Variants in CPQ observed in about 807,000 individuals in gnomAD.
CPQ encodes carboxypeptidase Q, also known as Ser-Met dipeptidase.
In CPQ, 37 loss-of-function variants were observed where a neutral mutation model predicts 45.7. The observed-to-expected ratio is 0.81, with a 90% CI of 0.62 to 1.07. The LOEUF (loss-of-function observed/expected upper bound fraction) is 1.07, where lower values mean the gene tolerates loss of function less well. CPQ is among the 50% of genes least tolerant of loss of function. The pLI is 0.00. For synonymous variants in CPQ, 186 were observed against 205.8 expected, an observed-to-expected ratio of 0.90 and a Z score of 0.82; for missense variants, 537 against 572.9, an observed-to-expected ratio of 0.94 and a Z score of 0.64.
chr8:96,987,982 T>TCTTTCCACA (rs1809021055), intron 5 of CPQ, among the ~76,000 whole-genome samples: 1 of 152,228 alleles, frequency 6.6e-6, no homozygotes. Context: ...AAGTGATATA[T>TCTTTCCACA]CTTTCCACAC....
intron 4 of CPQ, among the ~76,000 whole-genome samples, chr8:96,926,540 T>TCTTCC (rs1812877907): frequency 7.8e-6 from 1 of 127,544 alleles, no homozygotes; most frequent in Admixed American, 7.8e-5. Flanking sequence ...CTTTTTCTTC[T>TCTTCC]TCTTCCTCTT....
At chr8:97,016,624 T>G (rs1809584864) in intron 5 of CPQ, among the ~76,000 whole-genome samples, 1 of 152,126 alleles carries the variant, frequency 6.6e-6, no homozygotes, top group Non-Finnish European at 1.5e-5. Flanking sequence ...GAGTTATGCA[T>G]GCAGTTCTAG....
intron 2 of CPQ, among the ~76,000 whole-genome samples, chr8:96,831,857 A>T (rs1254676388): frequency 6.6e-6 from 1 of 152,186 alleles, no homozygotes. Context: ...TTCTACCCAC[A>T]TGTGGCTATT....
chr8:96,926,783 C>G (rs1812897748), intron 4 of CPQ, among the ~76,000 whole-genome samples: 2 of 151,840 alleles, frequency 1.3e-5, no homozygotes, highest in Non-Finnish European at 2.9e-5. Flanking sequence ...ACCCATCAAC[C>G]TGTCATCTAC....
intron 7 of CPQ, among the ~76,000 whole-genome samples, chr8:97,122,700 C>T (rs772284530): frequency 2.2e-4 from 34 of 151,444 alleles, no homozygotes; most frequent in Non-Finnish European, 4.6e-4. Flanking sequence ...GGCTGACCAA[C>T]AAGCTGAAAT....
chr8:97,115,981 G>C (rs1292942534), intron 7 of CPQ, among the ~76,000 whole-genome samples: 1 of 152,142 alleles, frequency 6.6e-6, no homozygotes, highest in African/African-American at 2.4e-5. Context: ...ACACTTAAAA[G>C]GAGGGAGTAA....
At chr8:97,107,408 T>C (rs2130588406) in intron 7 of CPQ, among the ~76,000 whole-genome samples, 1 of 152,334 alleles carries the variant, frequency 6.6e-6, no homozygotes, top group South Asian at 2.1e-4. Context: ...AGGGTGTGCT[T>C]GTGAGGGGCC....
chr8:97,108,020 G>A lies in CPQ; in HGVS notation c.1256-35000G>A, dbSNP rs189204615. 2.4e-4 allele frequency among the ~76,000 whole-genome samples: 36 copies of A among 152,324 alleles called. 1 individual carries two copies. In the East Asian group the frequency reaches 5.0e-3, roughly 21 times the overall value. On this transcript the variant is annotated intron_variant, in intron 7 of 7. Coordinates refer to ENST00000220763, the MANE Select transcript of CPQ (RefSeq NM_016134.4). ...CTGATGCAGGTGAGGAAGTGGATGT[G>A]GTGGTGGGACGATGTGGAAGTTCCC...
intron 1 of CPQ, among the ~76,000 whole-genome samples, chr8:96,717,027 ATATATATATATATATATATAT>A (rs1809685334): frequency 2.6e-4 from 1 of 3,842 alleles, no homozygotes; most frequent in African/African-American, 6.3e-4. Context: ...TGATATAAAT[ATATATATATATATATATATAT>A]ATATATATAT....
At chr8:96,754,400 G>C (rs1305696023) in intron 1 of CPQ, among the ~76,000 whole-genome samples, 1 of 151,956 alleles carries the variant, frequency 6.6e-6, no homozygotes, top group Non-Finnish European at 1.5e-5. Context: ...AATTTCCACA[G>C]AACCCTCTTT....
chr8:96,853,441 A>G, intron 3 of CPQ, among the ~76,000 whole-genome samples: 1 of 152,208 alleles, frequency 6.6e-6, no homozygotes, highest in South Asian at 2.1e-4. Flanking sequence ...GTTTGCAGTC[A>G]AATTCTTTCT....
chr8:96,854,909 G>T (rs892975959), intron 3 of CPQ, among the ~76,000 whole-genome samples: 3 of 152,184 alleles, frequency 2.0e-5, no homozygotes, highest in Non-Finnish European at 4.4e-5. Flanking sequence ...CACACAGTCT[G>T]ACTGATTTTG....
chr8:96,946,394 G>T (rs1813188776), intron 4 of CPQ, among the ~76,000 whole-genome samples: 4 of 152,122 alleles, frequency 2.6e-5, no homozygotes, highest in African/African-American at 9.7e-5. Context: ...CTAATTGAAA[G>T]AAAATTATTA....
intron 1 of CPQ, among the ~76,000 whole-genome samples, chr8:96,687,868 A>G (rs976577792): frequency 6.6e-6 from 1 of 152,092 alleles, no homozygotes; most frequent in East Asian, 1.9e-4. Flanking sequence ...AAAACTGTCA[A>G]AGTTTTTTTT....
chr8:97,128,242 T>C (rs7817272), intron 7 of CPQ, among the ~76,000 whole-genome samples: 40,929 of 152,098 alleles, frequency 0.27, 6,238 homozygotes, highest in East Asian at 0.61. Flanking sequence ...TTTGATCTGA[T>C]TGGGCATCAC....
intron 5 of CPQ, among the ~76,000 whole-genome samples, chr8:96,998,865 G>A (rs1266750160): frequency 6.6e-6 from 1 of 151,812 alleles, no homozygotes; most frequent in Non-Finnish European, 1.5e-5. Flanking sequence ...GCTATTTGCT[G>A]GACAAACCAA....
At chr8:96,835,222 G>A (rs777532441) in intron 3 of CPQ, 42 bp downstream of exon 3, 1 of 1,377,374 alleles carries the variant, frequency 7.3e-7, no homozygotes, top group Non-Finnish European at 9.5e-7. Flanking sequence ...AAAAACAAGG[G>A]TTTTCCGTGA....
intron 3 of CPQ, among the ~76,000 whole-genome samples, chr8:96,874,471 C>G (rs565191020): frequency 6.6e-6 from 1 of 151,786 alleles, no homozygotes; most frequent in African/African-American, 2.4e-5. Flanking sequence ...CCACTCTCCC[C>G]TGCCAGTCCT....
intron 5 of CPQ, among the ~76,000 whole-genome samples, chr8:97,018,095 C>G (rs1809613973): frequency 6.6e-6 from 1 of 152,168 alleles, no homozygotes; most frequent in Non-Finnish European, 1.5e-5. Context: ...CCAGCCCAGA[C>G]CTGGTAGACT....
Sources: gnomAD v4.1 joint callset for allele counts (sites outside exome capture counted in the v4.1 genomes callset) on GRCh38, gnomAD v4.1.1 for gene constraint, MANE v1.5 for transcripts, NCBI Gene and HGNC (gene_info 2026-07-23, HGNC 2026-07-21) for gene names.